MIA3: variants seen among roughly 807,000 people sequenced by gnomAD.
The protein encoded by MIA3 is transport and Golgi organization protein 1 homolog.
Under a neutral mutation model 192.4 loss-of-function variants are expected in MIA3, and 90 were observed. That is an observed-to-expected ratio of 0.47 (90% CI 0.39 to 0.56). The LOEUF (loss-of-function observed/expected upper bound fraction) is 0.56, where lower values mean the gene tolerates loss of function less well. MIA3 is among the 20% of genes least tolerant of loss of function. The pLI is 0.00. For synonymous variants in MIA3, 740 were observed against 792.8 expected, an observed-to-expected ratio of 0.93 and a Z score of 1.12; for missense variants, 2,123 against 2,269.4, an observed-to-expected ratio of 0.94 and a Z score of 1.31.
In MIA3 at chr1:222,662,088, T is replaced by C; in HGVS notation, c.5146T>C (p.Trp1716Arg). ...GGACGGGCCTCTACCTCATCCTCGA[T>C]GGTCAGCTGAGGCATCTGGGAAACC... is the stretch of plus-strand genomic sequence containing the variant. ...SVDGPLPHPR[W>R]SAEASGKPSP... Residue 1716 changes from tryptophan to arginine, a missense_variant, in exon 25 of 28, where the codon TGG becomes CGG. Trp to Arg is a moderately radical substitution (Grantham distance 101). Transcript: ENST00000344922. 6.2e-7 allele frequency: 1 copy of C among 1,614,112 alleles called. No homozygotes were observed. The highest frequency in any genetic ancestry group is 8.5e-7 in the Non-Finnish European group (1 of 1,179,962).
In MIA3 at chr1:222,629,923, T is replaced by C. The variant is rs1336515786; in HGVS notation, c.2703T>C (p.Asp901=). 2.5e-6 allele frequency: 4 copies of C among 1,614,100 alleles called. No individual in the cohort carries two copies. Among genetic ancestry groups the C allele is most frequent in the Non-Finnish European group, 2.5e-6 (3 of 1,180,024 alleles). The change falls in exon 4 of 28, where the codon GAT becomes GAC. Residue 901 remains aspartate, a synonymous_variant. Transcript: ENST00000344922. ...SQGSAAAEPE[D]DSFHWTPHTS... is the part of the protein sequence containing the mutation. ...GGTCTGCTGCTGCAGAACCTGAAGA[T>C]GACTCGTTCCACTGGACTCCACATA... is the stretch of plus-strand genomic sequence containing the variant.
chr1:222,634,735 A>C (rs559246755), intron 6 of MIA3, among the ~76,000 whole-genome samples: 1 of 152,282 alleles, frequency 6.6e-6, no homozygotes, highest in African/African-American at 2.4e-5. Context: ...CATTTCCTTT[A>C]GGTTCTGTTA....
intron 18 of MIA3, among the ~76,000 whole-genome samples, chr1:222,655,221 A>C (rs1170084455): frequency 6.6e-6 from 1 of 152,272 alleles, no homozygotes; most frequent in Non-Finnish European, 1.5e-5. Flanking sequence ...TATTGAAGGT[A>C]CATTTAGTTT....
At chr1:222,624,445 G>T (rs1215532840) in intron 2 of MIA3, among the ~76,000 whole-genome samples, 1 of 152,196 alleles carries the variant, frequency 6.6e-6, no homozygotes, top group Admixed American at 6.5e-5. Context: ...CACTTAAAAT[G>T]CCATGCGACG....
At chr1:222,638,493 C>G (rs1662724208) in intron 6 of MIA3, among the ~76,000 whole-genome samples, 1 of 151,980 alleles carries the variant, frequency 6.6e-6, no homozygotes, top group Non-Finnish European at 1.5e-5. Flanking sequence ...AACTTCAAGA[C>G]CAGCCTAAAC....
In MIA3 at chr1:222,628,242, C is replaced by A. The variant is rs372400363; in HGVS notation, c.1022C>A (p.Thr341Asn). 2 of 1,614,108 alleles carry A rather than the reference C, an allele frequency of 1.2e-6. No individual in the cohort carries two copies. The highest frequency in any genetic ancestry group is 1.3e-5 in the African/African-American group (1 of 75,058). The part of the protein sequence containing the change: ...LTFTDGEDMK[T>N]PAKSGVEKYP... ...TTTACAGATGGGGAAGATATGAAAACTCCAGCAAAGTCTGGCGTTGAGAAA... is the reference window on the plus strand; with the variant it reads ...TTTACAGATGGGGAAGATATGAAAAATCCAGCAAAGTCTGGCGTTGAGAAA... The change falls in exon 4 of 28, where the codon ACT becomes AAT. Residue 341 changes from threonine (T) to asparagine (N), a missense_variant. Thr to Asn is a moderately conservative substitution (Grantham distance 65, BLOSUM62 0). Coordinates refer to ENST00000344922, the MANE Select transcript of MIA3 (RefSeq NM_198551.4).
intron 19 of MIA3, 61 bp from the exon 20 acceptor site, chr1:222,659,388 TAGTC>T (rs940511712): frequency 7.1e-6 from 10 of 1,415,050 alleles, no homozygotes; most frequent in East Asian, 4.6e-5. Context: ...ACGGTTAACA[TAGTC>T]AGATTGTTTG....
chr1:222,659,696 G>A lies in MIA3; in HGVS notation c.4807-38G>A, dbSNP rs796080922. ...TTTTCTTTCCCTTATTTTGTGCATA[G>A]TCTCCCACAACTGAATTTGGATATT... On this transcript the variant is annotated intron_variant, in intron 21 of 27. Coordinates refer to ENST00000344922, the MANE Select transcript of MIA3 (RefSeq NM_198551.4). 1.9e-6 allele frequency: 3 copies of A among 1,613,760 alleles called. No homozygotes were observed. In the African/African-American group the frequency reaches 4.0e-5, roughly 22 times the overall value.
At position 222,628,566 on chromosome 1, in the gene MIA3, T is replaced by C; in HGVS notation, c.1346T>C (p.Ile449Thr). 1 of 1,614,134 alleles carries C rather than the reference T, an allele frequency of 6.2e-7. No homozygotes were observed. The highest frequency in any genetic ancestry group is 8.5e-7 in the Non-Finnish European group (1 of 1,180,034). ...NVDDGLFIVD[I>T]PKTNNDKEVN... The stretch of plus-strand genomic sequence containing the variant: ...GATGATGGTCTTTTTATTGTAGACA[T>C]TCCTAAAACAAATAATGACAAAGAA... Residue 449 changes from isoleucine (I) to threonine (T), a missense_variant, in exon 4 of 28, where the codon ATT (isoleucine) becomes ACT (threonine). Ile to Thr is a moderately conservative substitution (Grantham distance 89). Coordinates refer to ENST00000344922, the MANE Select transcript of MIA3 (RefSeq NM_198551.4).
chr1:222,664,863 AATCT>A (rs755698436), intron 27 of MIA3: 7 of 458,290 alleles, frequency 1.5e-5, no homozygotes, highest in Non-Finnish European at 2.7e-5. Context: ...TCCAAGTACA[AATCT>A]ATCTCTCTTT....
In MIA3 at chr1:222,619,011, A is replaced by G. The variant is rs145035480; in HGVS notation, c.133+768A>G. ...GGAAGACCAAAATCTTTCGCTCTGC[A>G]GAGACCGAGGATCTGCACCGGCCAC... On this transcript the variant is annotated intron_variant, in intron 1 of 27. Transcript: ENST00000344922. 6.1e-3 allele frequency among the ~76,000 whole-genome samples: 933 copies of G among 152,208 alleles called. 13 individuals are homozygous for G. The highest frequency in any genetic ancestry group is 0.02 in the African/African-American group (850 of 41,508).
intron 6 of MIA3, among the ~76,000 whole-genome samples, chr1:222,640,767 C>A (rs906979931): frequency 2.0e-5 from 3 of 152,120 alleles, no homozygotes; most frequent in African/African-American, 4.8e-5. Context: ...TGGATTTAAT[C>A]AAAATAAAAA....
At chr1:222,650,420 A>T (rs758354086) in intron 9 of MIA3, 40 bp downstream of exon 9, 3 of 1,124,256 alleles carry the variant, frequency 2.7e-6, no homozygotes, top group South Asian at 1.4e-5. Flanking sequence ...TCATGGTCCC[A>T]GCTTGAATTA....
rs151099610 is a variant in MIA3, at chr1:222,629,906, G to A, written c.2686G>A (p.Ala896Thr). The A allele has an allele frequency of 9.0e-5, 145 of 1,614,110 alleles. No individual in the cohort carries two copies. In the East Asian group the frequency reaches 2.6e-3, roughly 29 times the overall value. The change falls in exon 4 of 28, where the codon GCT becomes ACT. Residue 896 changes from alanine to threonine, a missense_variant. By Grantham distance (58) the Ala-to-Thr change is moderately conservative. Transcript: ENST00000344922. ...YMGTESQGSA[A>T]AEPEDDSFHW... The stretch of plus-strand genomic sequence containing the variant: ...GGGCACAGAAAGCCAGGGGTCTGCT[G>A]CTGCAGAACCTGAAGATGACTCGTT...
rs3008617 is a variant in MIA3, at chr1:222,624,764, G to A, written c.268-4G>A. 1,476,105 of 1,476,844 alleles carry A rather than the reference G, an allele frequency of 1. 737,689 individuals carry two copies. Among genetic ancestry groups the A allele is most frequent in the Middle Eastern group, 1 (5,806 of 5,806 alleles). The allele number at this position is 1,476,844 out of a possible 1,614,324, so 91.5% of individuals were successfully genotyped here. A position where few individuals can be genotyped will look rare whatever the true frequency, so the allele number is the denominator to read the frequency against. ...GTGTCCCTTTTGCCCATTCTTTTGT[G>A]TAGGTTGGACGCACTTTTGGATATT... On this transcript the variant is annotated splice_polypyrimidine_tract_variant and splice_region_variant and intron_variant, in intron 2 of 27. Coordinates refer to ENST00000344922, the MANE Select transcript of MIA3 (RefSeq NM_198551.4).
rs188656164 is a variant in MIA3, at chr1:222,654,406, G to A, written c.4395G>A (p.Ser1465=). Residue 1465 remains serine, a synonymous_variant, in exon 17 of 28, where the codon TCG becomes TCA. Transcript: ENST00000344922. ...ATTTTTAGACACAGACTGCAATATC[G>A]GTAGTTGAAGAGGATCTAAAGCTTT... ...MDVSRTQTAI[S]VVEEDLKLLQ... The A allele has an allele frequency of 6.9e-5, 112 of 1,613,634 alleles. No individual in the cohort carries two copies. The highest frequency in any genetic ancestry group is 6.0e-4 in the Admixed American group (36 of 60,010).
At chr1:222,644,352 G>C (rs1211184247) in intron 6 of MIA3, 4 of 1,489,702 alleles carry the variant, frequency 2.7e-6, no homozygotes, top group Non-Finnish European at 3.6e-6. Context: ...GCTGTGGAAG[G>C]CGAAGTTCAA....
Position 222,628,388 on chromosome 1 carries a change from A to G in MIA3, c.1168A>G (p.Ile390Val), listed in dbSNP as rs773968192. ...LTTWGDTIFS[I>V]VTGGEETRDT... The stretch of plus-strand genomic sequence containing the variant: ...AACCTGGGGGGACACTATCTTCTCT[A>G]TTGTCACAGGAGGTGAAGAAACAAG... Residue 390 changes from isoleucine (I) to valine (V), a missense_variant, in exon 4 of 28, where the codon ATT (isoleucine) becomes GTT (valine). Coordinates refer to ENST00000344922, the MANE Select transcript of MIA3 (RefSeq NM_198551.4). 1.9e-5 allele frequency: 31 copies of G among 1,613,888 alleles called. 1 individual carries two copies. In the South Asian group the frequency reaches 2.4e-4, roughly 13 times the overall value.
chr1:222,631,312 G>A (rs545728716), intron 4 of MIA3, among the ~76,000 whole-genome samples: 1 of 152,104 alleles, frequency 6.6e-6, no homozygotes, highest in Admixed American at 6.6e-5. Context: ...TAGAGACAGG[G>A]TCTTGGTATG....
Sources: allele counts gnomAD v4.1 joint callset (sites outside exome capture counted in the v4.1 genomes callset), GRCh38; gene constraint gnomAD v4.1.1; transcripts MANE v1.5; gene names NCBI Gene and HGNC (gene_info 2026-07-23, HGNC 2026-07-21).